NALF1: variants seen among roughly 807,000 people sequenced by gnomAD.
NALF1 encodes family with sequence similarity 155 member A.
NALF1 carries 3 observed loss-of-function variants against 48.4 expected under a neutral mutation model. That is an observed-to-expected ratio of 0.06 (90% CI 0.03 to 0.16). NALF1 has a LOEUF of 0.16. Ranked by LOEUF, NALF1 falls within the 10% of genes least tolerant of loss-of-function variation. NALF1 has a pLI of 1.00. For missense variants in NALF1, 526 were observed against 571.5 expected (o/e 0.92, Z 0.81); for synonymous variants, 262 against 245.7 (o/e 1.07, Z -0.62).
intron 1 of NALF1, among the ~76,000 whole-genome samples, chr13:107,328,797 G>A (rs1882414297): frequency 6.6e-6 from 1 of 152,182 alleles, no homozygotes; most frequent in African/African-American, 2.4e-5. Flanking sequence ...AGGGTCTCCA[G>A]GCTCAACCAC....
intron 1 of NALF1, among the ~76,000 whole-genome samples, chr13:107,515,637 C>G (rs1390130620): frequency 1.3e-5 from 2 of 152,160 alleles, no homozygotes; most frequent in African/African-American, 4.8e-5. Flanking sequence ...CGCATGTATT[C>G]TGTAACACAG....
chr13:107,831,199 A>C (rs1879715171), intron 1 of NALF1, among the ~76,000 whole-genome samples: 1 of 152,226 alleles, frequency 6.6e-6, no homozygotes. Flanking sequence ...TCCAGACCTG[A>C]AAAACAGACA....
intron 1 of NALF1, among the ~76,000 whole-genome samples, chr13:107,468,798 A>C (rs1885049208): frequency 6.6e-6 from 1 of 152,206 alleles, no homozygotes; most frequent in Admixed American, 6.5e-5. Context: ...TTTTGGCAAC[A>C]AACAAGAGAG....
chr13:107,440,836 C>T (rs1166863223), intron 1 of NALF1, among the ~76,000 whole-genome samples: 1 of 152,126 alleles, frequency 6.6e-6, no homozygotes, highest in African/African-American at 2.4e-5. Flanking sequence ...GTCCAAGGAG[C>T]TCCTTCAGAG....
At chr13:107,176,950 G>A (rs1486906171) in intron 2 of NALF1, among the ~76,000 whole-genome samples, 2 of 151,396 alleles carry the variant, frequency 1.3e-5, no homozygotes. Context: ...AGCCCCAAAT[G>A]TCATAATTTC....
At chr13:107,727,618 G>T (rs553103267) in intron 1 of NALF1, among the ~76,000 whole-genome samples, 42 of 152,182 alleles carry the variant, frequency 2.8e-4, no homozygotes, top group African/African-American at 9.9e-4. Flanking sequence ...CACAGGCATG[G>T]GCAAAGACTT....
intron 1 of NALF1, among the ~76,000 whole-genome samples, chr13:107,531,908 C>T (rs1876651537): frequency 6.6e-6 from 1 of 152,052 alleles, no homozygotes; most frequent in Admixed American, 6.6e-5. Context: ...AACTTCTCTG[C>T]CATTTTGCAA....
chr13:107,626,420 C>T (rs925740752), intron 1 of NALF1, among the ~76,000 whole-genome samples: 1 of 151,916 alleles, frequency 6.6e-6, no homozygotes, highest in African/African-American at 2.4e-5. Flanking sequence ...TGGGTATATA[C>T]CCAAAAGAAG....
intron 2 of NALF1, among the ~76,000 whole-genome samples, chr13:107,183,789 A>G (rs1048191677): frequency 3.9e-5 from 6 of 152,114 alleles, no homozygotes; most frequent in Non-Finnish European, 8.8e-5. Context: ...TGGAAGTTGA[A>G]CAATGAGAAC....
At chr13:107,381,662 C>A (rs1883442605) in intron 1 of NALF1, among the ~76,000 whole-genome samples, 1 of 151,986 alleles carries the variant, frequency 6.6e-6, no homozygotes, top group Non-Finnish European at 1.5e-5. Flanking sequence ...GATGGAATAT[C>A]TAACAGTAAG....
intron 1 of NALF1, among the ~76,000 whole-genome samples, chr13:107,403,172 G>T (rs577953546): frequency 1.0e-5 from 1 of 96,930 alleles, no homozygotes; most frequent in Non-Finnish European, 2.1e-5. Context: ...CTTCTGCTTG[G>T]TTTCTCTTGT....
At chr13:107,816,418 T>C (rs539852316) in intron 1 of NALF1, among the ~76,000 whole-genome samples, 1 of 152,144 alleles carries the variant, frequency 6.6e-6, no homozygotes, top group South Asian at 2.1e-4. Flanking sequence ...ACATGGAGTA[T>C]GAGGAATGAG....
At chr13:107,643,737 G>A (rs546027324) in intron 1 of NALF1, among the ~76,000 whole-genome samples, 1 of 152,210 alleles carries the variant, frequency 6.6e-6, no homozygotes, top group South Asian at 2.1e-4. Context: ...AGTGGAGAAG[G>A]TTTGCTGAAC....
chr13:107,298,768 A>G (rs1594109754), intron 1 of NALF1, among the ~76,000 whole-genome samples: 1 of 152,304 alleles, frequency 6.6e-6, no homozygotes, highest in South Asian at 2.1e-4. Flanking sequence ...CTTTTGAAAT[A>G]ATTTTAGATT....
At chr13:107,566,595 G>T (rs1877816110) in intron 1 of NALF1, among the ~76,000 whole-genome samples, 1 of 152,204 alleles carries the variant, frequency 6.6e-6, no homozygotes, top group African/African-American at 2.4e-5. Flanking sequence ...ACGGAAAGGG[G>T]TTCGCACGGT....
At chr13:107,311,531 T>C (rs1882045485) in intron 1 of NALF1, among the ~76,000 whole-genome samples, 1 of 151,056 alleles carries the variant, frequency 6.6e-6, no homozygotes, top group African/African-American at 2.4e-5. Flanking sequence ...CTAAACTGTA[T>C]TTAATCATTT....
intron 1 of NALF1, among the ~76,000 whole-genome samples, chr13:107,338,855 G>A (rs941096591): frequency 1.3e-5 from 2 of 151,934 alleles, no homozygotes; most frequent in African/African-American, 2.4e-5. Context: ...CTTGACGGCC[G>A]GGAGCTGTGG....
intron 1 of NALF1, among the ~76,000 whole-genome samples, chr13:107,725,740 T>C (rs894210866): frequency 2.0e-5 from 3 of 151,912 alleles, no homozygotes; most frequent in Admixed American, 6.6e-5. Context: ...CACTGACATA[T>C]TGCAGCCCTA....
chr13:107,463,346 C>T (rs1566352740), intron 1 of NALF1, among the ~76,000 whole-genome samples: 2 of 152,140 alleles, frequency 1.3e-5, no homozygotes, highest in Non-Finnish European at 2.9e-5. Flanking sequence ...TGTTTCTACA[C>T]AATTCTATGG....
Sources: gnomAD v4.1 joint callset for allele counts (sites outside exome capture counted in the v4.1 genomes callset) on GRCh38, gnomAD v4.1.1 for gene constraint, MANE v1.5 for transcripts, NCBI Gene and HGNC (gene_info 2026-07-23, HGNC 2026-07-21) for gene names.